Variants in AKT3 observed in about 807,000 individuals in gnomAD.
AKT3 encodes AKT serine/threonine kinase 3, also known as RAC-gamma serine/threonine-protein kinase.
In AKT3, 15 loss-of-function variants were observed where a neutral mutation model predicts 65.3. That is an observed-to-expected ratio of 0.23 (90% CI 0.15 to 0.35). The LOEUF (loss-of-function observed/expected upper bound fraction) is 0.35. Ranked by LOEUF, AKT3 falls within the 10% of genes least tolerant of loss-of-function variation. The pLI is 1.00. For missense variants in AKT3, 243 were observed against 576.5 expected (o/e 0.42, Z 5.92); for synonymous variants, 206 against 183.8 (o/e 1.12, Z -0.98).
At chr1:243,724,439 G>T (rs974273042) in intron 2 of AKT3, among the ~76,000 whole-genome samples, 1 of 151,998 alleles carries the variant, frequency 6.6e-6, no homozygotes, top group Admixed American at 6.6e-5. Flanking sequence ...AATCAATAAG[G>T]AATTTAGTTT....
chr1:243,747,513 T>C (rs1453497475), intron 2 of AKT3, among the ~76,000 whole-genome samples: 1 of 152,214 alleles, frequency 6.6e-6, no homozygotes, highest in East Asian at 1.9e-4. Flanking sequence ...CCTTCTCTCT[T>C]GTACTTGTAT....
At chr1:243,545,413 C>A in intron 12 of AKT3, 97 bp downstream of exon 12, 1 of 674,108 alleles carries the variant, frequency 1.5e-6, no homozygotes, top group Non-Finnish European at 2.5e-6. Flanking sequence ...AGTATCATTA[C>A]ATCATTAACT....
Position 243,512,418 on chromosome 1 carries a change from A to C in AKT3, c.1260T>G (p.Pro420=), listed in dbSNP as rs773147272. ...WQDVYDKKLV[P]PFKPQVTSET... ...CAGATGTTACTTGAGGTTTAAAAGG[A>C]GGTACAAGCTGTAAAAAGAAAGAAA... The change falls in exon 13 of 14, where the codon CCT becomes CCG. Residue 420 remains proline, a synonymous_variant. Coordinates refer to ENST00000673466, the MANE Select transcript of AKT3 (RefSeq NM_005465.7). The C allele has an allele frequency of 1.4e-5, 22 of 1,551,424 alleles. No individual in the cohort carries two copies. Among genetic ancestry groups the C allele is most frequent in the Non-Finnish European group, 1.9e-5 (22 of 1,142,774 alleles).
At position 243,762,077 on chromosome 1, in the gene AKT3, C is replaced by T. The variant is rs556632004; in HGVS notation, c.47-66361G>A. On this transcript the variant is annotated intron_variant, in intron 2 of 13. Transcript: ENST00000673466. The stretch of plus-strand genomic sequence containing the variant: ...GTTACCCCCAAATTTCTGAAGAATA[C>T]GTTTAATATCTTCTTAGGAATTCTG... 5.1e-4 allele frequency among the ~76,000 whole-genome samples: 77 copies of T among 152,080 alleles called. 2 individuals are homozygous for T. The South Asian group carries it at 0.014, about 28-fold the overall frequency.
chr1:243,590,387 C>T (rs943166295), intron 8 of AKT3, among the ~76,000 whole-genome samples: 1 of 151,716 alleles, frequency 6.6e-6, no homozygotes, highest in Non-Finnish European at 1.5e-5. Flanking sequence ...CATTATACCT[C>T]AATAAAGCCA....
chr1:243,663,338 G>C (rs932417002), intron 4 of AKT3, among the ~76,000 whole-genome samples: 4 of 152,090 alleles, frequency 2.6e-5, no homozygotes, highest in Non-Finnish European at 4.4e-5. Context: ...ATAGGAATTA[G>C]CCCAACTTAG....
At position 243,693,243 on chromosome 1, in the gene AKT3, GATATATATATATATATATATATAT is replaced by G. The variant is rs1172388560; in HGVS notation, c.172+2324_172+2347del. On this transcript the variant is annotated intron_variant, in intron 3 of 13. Coordinates refer to ENST00000673466, the MANE Select transcript of AKT3 (RefSeq NM_005465.7). ...TATATCCCTTTGGTAGCTACAATTT[GATATATATATATATATATATATAT>G]ATATATATATATATATATATATATA... Among the ~76,000 whole-genome samples, 12 of 45,402 alleles carry G rather than the reference GATATATATATATATATATATATAT, an allele frequency of 2.6e-4. 1 individual carries two copies. The highest frequency in any genetic ancestry group is 0.02 in the Middle Eastern group (1 of 50). The allele number at this position is 45,402 out of a possible 152,430, so 29.8% of individuals were successfully genotyped here.
intron 2 of AKT3, among the ~76,000 whole-genome samples, chr1:243,721,333 C>T (rs1224911885): frequency 6.6e-6 from 1 of 152,120 alleles, no homozygotes; most frequent in East Asian, 1.9e-4. Flanking sequence ...TCTGAACAGA[C>T]AGGTCTTGGT....
upstream of AKT3, among the ~76,000 whole-genome samples, chr1:243,850,295 A>AGGCGGCGGCGGCGGCGGC (rs34490111): frequency 4.1e-4 from 49 of 118,334 alleles, no homozygotes; most frequent in African/African-American, 1.2e-3. Context: ...CTGGAGCGGG[A>AGGCGGCGGCGGCGGCGGC]GGCGGCGGCG....
At chr1:243,558,656 A>T (rs1349912671) in intron 10 of AKT3, among the ~76,000 whole-genome samples, 1 of 152,078 alleles carries the variant, frequency 6.6e-6, no homozygotes, top group Non-Finnish European at 1.5e-5. Context: ...TGTTAGTTCT[A>T]ACTTGATTAT....
At chr1:243,686,630 C>CATATATATAGATATATATATATAT (rs1684319312) in intron 3 of AKT3, among the ~76,000 whole-genome samples, 1 of 18,854 alleles carries the variant, frequency 5.3e-5, no homozygotes, top group African/African-American at 1.7e-4. Context: ...AAATTGTTTT[C>CATATATATAGATATATATATATAT]ATATATATAT....
chr1:243,628,934 C>G (rs1191204550), intron 6 of AKT3, among the ~76,000 whole-genome samples: 1 of 152,204 alleles, frequency 6.6e-6, no homozygotes, highest in African/African-American at 2.4e-5. Flanking sequence ...GGGCTGTGGC[C>G]ATTTGCCTGG....
chr1:243,707,225 G>C (rs138357338), intron 2 of AKT3, among the ~76,000 whole-genome samples: 1 of 152,054 alleles, frequency 6.6e-6, no homozygotes, highest in African/African-American at 2.4e-5. Flanking sequence ...AAAGTAACTA[G>C]AGTGTTTAAA....
intron 2 of AKT3, among the ~76,000 whole-genome samples, chr1:243,815,423 A>AAGCCCTCG (rs1318489972): frequency 6.6e-6 from 1 of 152,050 alleles, no homozygotes; most frequent in Non-Finnish European, 1.5e-5. Flanking sequence ...ACTTTCCTTT[A>AAGCCCTCG]AGCCCTCGAG....
chr1:243,785,233 T>TA (rs917177408), intron 2 of AKT3, among the ~76,000 whole-genome samples: 1 of 146,456 alleles, frequency 6.8e-6, no homozygotes, highest in Non-Finnish European at 1.5e-5. Flanking sequence ...CATGCCCAGC[T>TA]AATTTTTTTT....
intron 4 of AKT3, among the ~76,000 whole-genome samples, chr1:243,661,325 A>G (rs949549511): frequency 2.6e-5 from 4 of 152,244 alleles, no homozygotes; most frequent in African/African-American, 9.6e-5. Flanking sequence ...AGGCTACAGT[A>G]ACCAAAACAG....
At chr1:243,692,277 C>T (rs1684742131) in intron 3 of AKT3, among the ~76,000 whole-genome samples, 1 of 152,060 alleles carries the variant, frequency 6.6e-6, no homozygotes, top group Non-Finnish European at 1.5e-5. Flanking sequence ...TGAGAGATGC[C>T]CATACTATAC....
intron 3 of AKT3, among the ~76,000 whole-genome samples, chr1:243,676,362 A>G (rs189678698): frequency 6.6e-6 from 1 of 152,266 alleles, no homozygotes; most frequent in Non-Finnish European, 1.5e-5. Flanking sequence ...TTAGGAAAAA[A>G]GGTAGGAGAT....
At chr1:243,714,844 T>C (rs951691216) in intron 2 of AKT3, among the ~76,000 whole-genome samples, 1 of 152,126 alleles carries the variant, frequency 6.6e-6, no homozygotes, top group East Asian at 1.9e-4. Context: ...TCAAAATATA[T>C]AGGGAACAAG....
Sources: allele counts gnomAD v4.1 joint callset (sites outside exome capture counted in the v4.1 genomes callset), GRCh38; gene constraint gnomAD v4.1.1; transcripts MANE v1.5; gene names NCBI Gene and HGNC (gene_info 2026-07-23, HGNC 2026-07-21).